The following XPR1 variants were observed in gnomAD, a reference collection of about 807,000 sequenced individuals.
The protein encoded by XPR1 is solute carrier family 53 member 1.
A neutral mutation model predicts 87.5 loss-of-function variants in XPR1; 28 were observed. That is an observed-to-expected ratio of 0.32 (90% confidence interval 0.24 to 0.44). XPR1 has a LOEUF of 0.44. XPR1 is among the 20% of genes least tolerant of loss of function. XPR1 has a pLI of 1.00. For synonymous variants in XPR1, 300 were observed against 306.1 expected, an observed-to-expected ratio of 0.98 and a Z score of 0.21; for missense variants, 559 against 862.3, an observed-to-expected ratio of 0.65 and a Z score of 4.41.
chr1:180,878,218 C>T (rs151292909), intron 13 of XPR1: 39 of 152,288 alleles, frequency 2.6e-4, no homozygotes, highest in African/African-American at 8.2e-4. Flanking sequence ...TACCTCATGA[C>T]GATTTTCTTT....
chr1:180,760,476 A>G (rs950598023), intron 2 of XPR1, among the ~76,000 whole-genome samples: 5 of 152,206 alleles, frequency 3.3e-5, no homozygotes, highest in Non-Finnish European at 5.9e-5. Context: ...AATAACAGAC[A>G]AACAGAGAGC....
intron 11 of XPR1, among the ~76,000 whole-genome samples, chr1:180,839,651 C>T (rs7548261): frequency 0.35 from 53,114 of 151,838 alleles, 9,607 homozygotes; most frequent in Non-Finnish European, 0.38. Flanking sequence ...ATAAAAGAAA[C>T]GGTTTGTTAT....
In XPR1 at chr1:180,872,768, ACCCGT is replaced by A. The variant is rs1473011293; in HGVS notation, c.1669-1033_1669-1029del. Among the ~76,000 whole-genome samples, 4 of 149,608 alleles carry A rather than the reference ACCCGT, an allele frequency of 2.7e-5. No individual in the cohort carries two copies. In the East Asian group the frequency reaches 7.9e-4, roughly 30 times the overall value. On this transcript the variant is annotated intron_variant, in intron 12 of 14. Coordinates refer to ENST00000367590, the MANE Select transcript of XPR1 (RefSeq NM_004736.4). ...TACCTCAGATGGAAATGCAGAAATC[ACCCGT>A]CTTCTGCGTCGCTCACGCTGGGAGC...
At chr1:180,850,233 T>C (rs1328619235) in intron 11 of XPR1, among the ~76,000 whole-genome samples, 2 of 152,204 alleles carry the variant, frequency 1.3e-5, no homozygotes, top group Admixed American at 6.5e-5. Context: ...TACTCTGATA[T>C]TTAGAATTGT....
intron 1 of XPR1, among the ~76,000 whole-genome samples, chr1:180,642,489 T>C (rs1654991564): frequency 6.6e-6 from 1 of 152,114 alleles, no homozygotes; most frequent in Non-Finnish European, 1.5e-5. Context: ...AGTGCTCTAG[T>C]GTGCCAGGCA....
intron 2 of XPR1, among the ~76,000 whole-genome samples, chr1:180,690,490 A>G (rs1159023714): frequency 6.6e-6 from 1 of 152,126 alleles, no homozygotes; most frequent in African/African-American, 2.4e-5. Context: ...ACTATGAACT[A>G]CAATTCCTAA....
intron 1 of XPR1, among the ~76,000 whole-genome samples, chr1:180,681,021 A>T (rs893921303): frequency 6.6e-6 from 1 of 152,212 alleles, no homozygotes; most frequent in African/African-American, 2.4e-5. Context: ...ATCTCATAGA[A>T]ATAAAAAGTA....
chr1:180,668,374 C>T (rs1024656651), intron 1 of XPR1, among the ~76,000 whole-genome samples: 1 of 152,156 alleles, frequency 6.6e-6, no homozygotes, highest in African/African-American at 2.4e-5. Context: ...AGTGATCTGC[C>T]TGCCTCAGCC....
chr1:180,863,205 A>G (rs1016420760), intron 11 of XPR1, among the ~76,000 whole-genome samples: 1 of 152,112 alleles, frequency 6.6e-6, no homozygotes, highest in African/African-American at 2.4e-5. Flanking sequence ...CGGGCATTTT[A>G]TCTAGACTTA....
At chr1:180,730,812 A>T (rs1658533658) in intron 2 of XPR1, among the ~76,000 whole-genome samples, 9 of 149,328 alleles carry the variant, frequency 6.0e-5, no homozygotes. Context: ...ATAAGTGTTC[A>T]CCACCATGCC....
chr1:180,662,154 A>G (rs1040138326), intron 1 of XPR1, among the ~76,000 whole-genome samples: 3 of 152,100 alleles, frequency 2.0e-5, no homozygotes, highest in African/African-American at 7.2e-5. Flanking sequence ...TGTACTTACT[A>G]TTACCAGTAA....
intron 1 of XPR1, among the ~76,000 whole-genome samples, chr1:180,675,965 A>T (rs1432183605): frequency 6.6e-6 from 1 of 152,238 alleles, no homozygotes; most frequent in Admixed American, 6.5e-5. Context: ...TCAGATGAAC[A>T]CAAAGTAGTA....
intron 2 of XPR1, among the ~76,000 whole-genome samples, chr1:180,760,094 G>A (rs1336273053): frequency 1.3e-5 from 2 of 152,128 alleles, no homozygotes; most frequent in African/African-American, 2.4e-5. Context: ...CAATAAAGTA[G>A]GTATTGATGG....
At chr1:180,652,942 TCTCAAGG>T (rs753023660) in intron 1 of XPR1, among the ~76,000 whole-genome samples, 9 of 152,204 alleles carry the variant, frequency 5.9e-5, no homozygotes, top group Admixed American at 1.3e-4. Context: ...GCTGCAGTCA[TCTCAAGG>T]CTTCACTGGT....
At chr1:180,650,238 T>A (rs2101903362) in intron 1 of XPR1, among the ~76,000 whole-genome samples, 1 of 151,588 alleles carries the variant, frequency 6.6e-6, no homozygotes. Flanking sequence ...CCCCCCAACT[T>A]TTTTTTTTCT....
intron 1 of XPR1, among the ~76,000 whole-genome samples, chr1:180,673,276 A>G (rs1011628483): frequency 2.6e-5 from 4 of 152,166 alleles, no homozygotes; most frequent in African/African-American, 7.2e-5. Context: ...AGTATACCCT[A>G]TTTTTACAAA....
At chr1:180,697,000 T>G (rs1002936049) in intron 2 of XPR1, among the ~76,000 whole-genome samples, 1 of 152,166 alleles carries the variant, frequency 6.6e-6, no homozygotes, top group Non-Finnish European at 1.5e-5. Context: ...CCTTGTAGAA[T>G]GAGTTAGGAA....
intron 2 of XPR1, among the ~76,000 whole-genome samples, chr1:180,689,826 G>T (rs1457746769): frequency 1.3e-5 from 2 of 152,096 alleles, no homozygotes; most frequent in South Asian, 2.1e-4. Context: ...TACTATCTTT[G>T]CACCTTTTCT....
chr1:180,806,652 C>A lies in XPR1; in HGVS notation c.681+95C>A. 3 of 1,113,510 alleles carry A rather than the reference C, an allele frequency of 2.7e-6. No individual in the cohort carries two copies. In the South Asian group the frequency reaches 5.3e-5, roughly 20 times the overall value. The allele number at this position is 1,113,510 out of a possible 1,614,324, so 69.0% of individuals were successfully genotyped here. A position where few individuals can be genotyped will look rare whatever the true frequency, so the allele number is the denominator to read the frequency against. ...CCATTATCTTAAAAAAATTTTCAGCCAAAGTTTATAAGTAGTTGCTATTTT... is the reference window on the plus strand; with the variant it reads ...CCATTATCTTAAAAAAATTTTCAGCAAAAGTTTATAAGTAGTTGCTATTTT... On this transcript the variant is annotated intron_variant, in intron 6 of 14. Coordinates refer to ENST00000367590, the MANE Select transcript of XPR1 (RefSeq NM_004736.4).
Sources: allele counts gnomAD v4.1 joint callset (sites outside exome capture counted in the v4.1 genomes callset), GRCh38; gene constraint gnomAD v4.1.1; transcripts MANE v1.5; gene names NCBI Gene and HGNC (gene_info 2026-07-23, HGNC 2026-07-21).